CRYBG3: variants seen among roughly 807,000 people sequenced by gnomAD.
CRYBG3 encodes very large A-kinase anchor protein.
CRYBG3 carries 127 observed loss-of-function variants against 244.2 expected under a neutral mutation model. The observed-to-expected ratio is 0.52, with a 90% CI of 0.45 to 0.60. The LOEUF (loss-of-function observed/expected upper bound fraction) is 0.60, where lower values mean the gene tolerates loss of function less well. CRYBG3 is among the 20% of genes least tolerant of loss of function. The pLI is 0.00. For synonymous variants in CRYBG3, 1,132 were observed against 1,195.8 expected, an observed-to-expected ratio of 0.95 and a Z score of 1.10; for missense variants, 3,325 against 3,442.5, an observed-to-expected ratio of 0.97 and a Z score of 0.85.
At chr3:97,848,044 G>T (rs2038928264) in intron 2 of CRYBG3, among the ~76,000 whole-genome samples, 1 of 152,074 alleles carries the variant, frequency 6.6e-6, no homozygotes, top group Non-Finnish European at 1.5e-5. Flanking sequence ...ATCACTAATT[G>T]TTCTTTACAT....
chr3:97,939,738 T>C (rs1482315291), intron 19 of CRYBG3, among the ~76,000 whole-genome samples: 1 of 152,084 alleles, frequency 6.6e-6, no homozygotes, highest in African/African-American at 2.4e-5. Context: ...TAGATCCGGC[T>C]GAATTATAGA....
At chr3:97,924,151 T>A (rs2040014531) in intron 17 of CRYBG3, 2 of 309,422 alleles carry the variant, frequency 6.5e-6, no homozygotes, top group Non-Finnish European at 1.2e-5. Context: ...GTAATGGAAT[T>A]TGGAAGATAA....
At chr3:97,916,899 A>G (rs149825476) in intron 17 of CRYBG3, among the ~76,000 whole-genome samples, 34 of 152,260 alleles carry the variant, frequency 2.2e-4, no homozygotes, top group African/African-American at 7.9e-4. Flanking sequence ...AAAAAAAATA[A>G]TGTGATCTGG....
chr3:97,880,978 TA>T, intron 6 of CRYBG3, 93 bp from the exon 7 acceptor site: 1 of 977,188 alleles, frequency 1.0e-6, no homozygotes, highest in Non-Finnish European at 1.4e-6. Context: ...TATCCCAGCT[TA>T]AAAAATTTAA....
intron 1 of CRYBG3, among the ~76,000 whole-genome samples, chr3:97,834,269 C>A (rs1031463186): frequency 6.6e-6 from 1 of 151,942 alleles, no homozygotes; most frequent in Non-Finnish European, 1.5e-5. Flanking sequence ...CAAGATGGAC[C>A]CTAGTACAGT....
rs1193618469 is a variant in CRYBG3 at position 97,822,257 on chromosome 3, G to A, written c.51G>A (p.Arg17=). ...RGSAPWHSFS[R]FFAPRSPSRD... ...GCGCCCCCTGGCACAGCTTCTCCCGGTTCTTCGCTCCCCGAAGTCCTTCCC... is the reference window on the plus strand; with the variant it reads ...GCGCCCCCTGGCACAGCTTCTCCCGATTCTTCGCTCCCCGAAGTCCTTCCC... The change falls in exon 1 of 22, where the codon CGG becomes CGA. Residue 17 remains arginine, a synonymous_variant. Coordinates refer to ENST00000389622, the MANE Select transcript of CRYBG3 (RefSeq NM_153605.4). The A allele has an allele frequency of 4.6e-6, 7 of 1,530,814 alleles. No homozygotes were observed. The highest frequency in any genetic ancestry group is 2.8e-5 in the African/African-American group (2 of 72,672). 94.8% of individuals were successfully genotyped at this position (1,530,814 alleles called of 1,614,324 possible).
intron 2 of CRYBG3, among the ~76,000 whole-genome samples, chr3:97,862,891 T>G (rs979434409): frequency 3.3e-5 from 5 of 152,200 alleles, no homozygotes; most frequent in Non-Finnish European, 7.3e-5. Context: ...TGGGAACAAA[T>G]TTAAAAGTAT....
chr3:97,893,723 G>A (rs912880987), intron 11 of CRYBG3, among the ~76,000 whole-genome samples: 2 of 152,170 alleles, frequency 1.3e-5, no homozygotes, highest in Non-Finnish European at 2.9e-5. Flanking sequence ...ATTTTGGAAC[G>A]TTAGTTTGTT....
At chr3:97,899,565 C>G (rs1211171581) in intron 14 of CRYBG3, among the ~76,000 whole-genome samples, 3 of 152,138 alleles carry the variant, frequency 2.0e-5, no homozygotes, top group African/African-American at 7.2e-5. Context: ...CCTGATGGTT[C>G]TGTCTCCCAG....
intron 1 of CRYBG3, among the ~76,000 whole-genome samples, chr3:97,839,707 C>T (rs2038785361): frequency 6.6e-6 from 1 of 151,576 alleles, no homozygotes; most frequent in Non-Finnish European, 1.5e-5. Context: ...AGTACAGTGG[C>T]GTCCTGAATA....
chr3:97,848,788 C>G (rs147558709), intron 2 of CRYBG3, among the ~76,000 whole-genome samples: 3,909 of 152,248 alleles, frequency 0.026, 69 homozygotes, highest in Non-Finnish European at 0.038. Flanking sequence ...GTCAGTTTAA[C>G]GTACAGATTT....
At position 97,872,063 on chromosome 3, in the gene CRYBG3, C is replaced by T. The variant is rs1331006576; in HGVS notation, c.869C>T (p.Ser290Leu). Residue 290 changes from serine (S) to leucine (L), a missense_variant, in exon 4 of 22, where the codon TCA becomes TTA. Coordinates refer to ENST00000389622, the MANE Select transcript of CRYBG3 (RefSeq NM_153605.4). ...LPLLLSASTD[S>L]SMKGNLLEGP... ...CTGTTGTTATCAGCTAGTACAGACT[C>T]ATCTATGAAAGGAAATCTACTTGAA... is the stretch of plus-strand genomic sequence containing the variant. 1 of 1,535,584 alleles carries T rather than the reference C, an allele frequency of 6.5e-7. No individual in the cohort carries two copies.
chr3:97,830,431 T>C (rs2038639513), intron 1 of CRYBG3, among the ~76,000 whole-genome samples: 1 of 152,268 alleles, frequency 6.6e-6, no homozygotes, highest in African/African-American at 2.4e-5. Flanking sequence ...CTCAGCCCTA[T>C]GTAAGACCAC....
rs768537237 is a variant in CRYBG3, at chr3:97,938,877, AGT to A, written c.8505+1975_8505+1976del. On this transcript the variant is annotated intron_variant, in intron 19 of 21. Transcript: ENST00000389622. ...AACATTAATGGCTTTCCTGGCACAGAGTGTGTGGTAGACGATCTCATGACCTT... is the reference window on the plus strand; with the variant it reads ...AACATTAATGGCTTTCCTGGCACAGAGTGTGGTAGACGATCTCATGACCTT... Among the ~76,000 whole-genome samples the A allele has an allele frequency of 2.0e-5, 3 of 151,872 alleles. No homozygotes were observed. In the South Asian group the frequency reaches 6.2e-4, roughly 32 times the overall value.
intron 17 of CRYBG3, among the ~76,000 whole-genome samples, chr3:97,921,770 G>A (rs2039987128): frequency 6.6e-6 from 1 of 152,138 alleles, no homozygotes. Context: ...AGTTAACTGC[G>A]ACTTTTCAGA....
intron 2 of CRYBG3, among the ~76,000 whole-genome samples, chr3:97,853,134 A>G (rs187544746): frequency 1.6e-3 from 246 of 152,088 alleles, no homozygotes; most frequent in African/African-American, 4.9e-3. Flanking sequence ...ACTGTACCCA[A>G]TGTGTAGTCT....
Position 97,875,416 on chromosome 3 carries a change from G to A in CRYBG3, c.4222G>A (p.Gly1408Arg). Residue 1408 changes from glycine to arginine, a missense_variant, in exon 4 of 22, where the codon GGA becomes AGA. By Grantham distance (125) the Gly-to-Arg change is moderately radical. Around this residue, in one of 4 missense-constraint regions of CRYBG3, gnomAD observed 635 missense variants for 771.7 expected, o/e 0.82. Transcript: ENST00000389622. ...IVLYQKSLFS[G>R]NGSGLSDSIN... ...TCTCTACCAAAAATCCCTATTTTCT[G>A]GAAATGGATCTGGACTGTCTGATAG... 1 of 1,409,908 alleles carries A rather than the reference G, an allele frequency of 7.1e-7. No individual in the cohort carries two copies. The highest frequency in any genetic ancestry group is 1.5e-5 in the African/African-American group (1 of 68,808). 87.3% of individuals were successfully genotyped at this position (1,409,908 alleles called of 1,614,324 possible). A position where few individuals can be genotyped will look rare whatever the true frequency, so the allele number is the denominator to read the frequency against.
chr3:97,877,981 G>T lies in CRYBG3; in HGVS notation c.6787G>T (p.Val2263Leu). 1.2e-6 allele frequency: 2 copies of T among 1,614,128 alleles called. No homozygotes were observed. Among genetic ancestry groups the T allele is most frequent in the Middle Eastern group, 3.3e-4 (2 of 6,060 alleles). Residue 2263 changes from valine to leucine, a missense_variant, in exon 4 of 22, where the codon GTG (valine) becomes TTG (leucine). Val to Leu is a conservative substitution (Grantham distance 32). This residue lies in a region of CRYBG3 where 450 missense variants were observed against 424.1 expected (regional missense o/e 1.06). Coordinates refer to ENST00000389622, the MANE Select transcript of CRYBG3 (RefSeq NM_153605.4). Reference protein sequence around the residue: ...ARFGGIFQEPVSKYFRVQDSP... With the variant: ...ARFGGIFQEPLSKYFRVQDSP... ...ATTTGGTGGAATTTTTCAGGAACCA[G>T]TGTCAAAATATTTCCGTGTTCAAGA...
intron 10 of CRYBG3, 135 bp from the exon 11 acceptor site, chr3:97,892,725 C>A: frequency 2.0e-6 from 1 of 512,742 alleles, no homozygotes; most frequent in Non-Finnish European, 3.3e-6. Context: ...ACACCTTTTC[C>A]ATGAACTTTT....
Sources: allele counts gnomAD v4.1 joint callset (sites outside exome capture counted in the v4.1 genomes callset), GRCh38; gene constraint gnomAD v4.1.1; regional missense constraint gnomAD v4.1.1; transcripts MANE v1.5; gene names NCBI Gene and HGNC (gene_info 2026-07-23, HGNC 2026-07-21).